The following SND1 variants were observed in gnomAD, a reference collection of about 807,000 sequenced individuals.
SND1 encodes staphylococcal nuclease and tudor domain containing 1, also known as staphylococcal nuclease domain-containing protein 1.
Under a neutral mutation model 121.7 loss-of-function variants are expected in SND1, and 38 were observed. That is an observed-to-expected ratio of 0.31 (90% CI 0.24 to 0.41). The LOEUF (loss-of-function observed/expected upper bound fraction) is 0.41. Among genes scored for constraint, SND1 ranks in the 10% least tolerant of loss-of-function variants. The probability of loss-of-function intolerance (pLI) is 1.00; values close to 1 mark genes in which losing one functional copy is unlikely to be tolerated. For missense variants in SND1, 868 were observed against 1,184.6 expected (o/e 0.73, Z 3.92); for synonymous variants, 401 against 447.4 (o/e 0.90, Z 1.31).
intron 1 of SND1, among the ~76,000 whole-genome samples, chr7:127,672,108 T>C (rs558473319): frequency 1.3e-5 from 2 of 152,288 alleles, no homozygotes; most frequent in African/African-American, 4.8e-5. Flanking sequence ...AAATATATTA[T>C]AGTGAGTAGG....
At chr7:127,761,247 T>C (rs530771293) in intron 10 of SND1, among the ~76,000 whole-genome samples, 1 of 152,304 alleles carries the variant, frequency 6.6e-6, no homozygotes, top group South Asian at 2.1e-4. Context: ...TTTCTTTTTG[T>C]GTGAGGGTTT....
chr7:127,808,460 C>T (rs897338693), intron 11 of SND1, among the ~76,000 whole-genome samples: 1 of 152,134 alleles, frequency 6.6e-6, no homozygotes, highest in East Asian at 1.9e-4. Flanking sequence ...CCACTGCACC[C>T]GGCCTTGTGA....
chr7:127,788,800 C>T (rs1372210195), intron 10 of SND1, among the ~76,000 whole-genome samples: 1 of 152,104 alleles, frequency 6.6e-6, no homozygotes, highest in African/African-American at 2.4e-5. Context: ...TTTCACCTGC[C>T]CACTTCTTAT....
At chr7:127,964,332 G>A (rs1053128320) in intron 15 of SND1, among the ~76,000 whole-genome samples, 71 of 145,570 alleles carry the variant, frequency 4.9e-4, no homozygotes, top group Non-Finnish European at 1.0e-3. Context: ...CCTTGCCCAC[G>A]CCTATGTCCT....
chr7:127,846,278 T>G (rs145611756), intron 12 of SND1, among the ~76,000 whole-genome samples: 3 of 151,864 alleles, frequency 2.0e-5, no homozygotes, highest in African/African-American at 7.3e-5. Flanking sequence ...AAAGTAAAAT[T>G]TTTTTTTTAG....
intron 12 of SND1, among the ~76,000 whole-genome samples, chr7:127,848,172 T>C (rs1799100499): frequency 6.6e-6 from 1 of 152,244 alleles, no homozygotes; most frequent in South Asian, 2.1e-4. Flanking sequence ...CTCTGCTGCA[T>C]CTGCAAGACA....
intron 16 of SND1, among the ~76,000 whole-genome samples, chr7:128,057,736 C>G (rs1245084567): frequency 6.6e-6 from 1 of 152,060 alleles, no homozygotes; most frequent in Non-Finnish European, 1.5e-5. Context: ...GCTGACCATA[C>G]TGATGCATGC....
intron 16 of SND1, among the ~76,000 whole-genome samples, chr7:128,070,431 T>C (rs1562888998): frequency 6.6e-6 from 1 of 152,216 alleles, no homozygotes; most frequent in Non-Finnish European, 1.5e-5. Context: ...CCCAGCCTTC[T>C]AGCAGCCTGT....
At chr7:127,782,155 C>T (rs1340125552) in intron 10 of SND1, among the ~76,000 whole-genome samples, 37 of 152,174 alleles carry the variant, frequency 2.4e-4, no homozygotes, top group Admixed American at 2.4e-3. Context: ...TGTCTGACTT[C>T]CTATTGTTTC....
intron 1 of SND1, among the ~76,000 whole-genome samples, chr7:127,661,628 C>G (rs538594570): frequency 2.0e-5 from 3 of 152,202 alleles, no homozygotes; most frequent in South Asian, 4.1e-4. Flanking sequence ...TTACGAAGTC[C>G]TTATGATTAG....
intron 19 of SND1, 45 bp downstream of exon 19, chr7:128,084,892 T>C (rs760818471): frequency 1.9e-6 from 3 of 1,559,816 alleles, no homozygotes; most frequent in Non-Finnish European, 2.6e-6. Context: ...GCAGGAACGA[T>C]AGCAGGGCTG....
chr7:128,008,478 T>TC (rs1459100479), intron 16 of SND1, among the ~76,000 whole-genome samples: 1 of 151,926 alleles, frequency 6.6e-6, no homozygotes, highest in African/African-American at 2.4e-5. Context: ...TTTTTTTTTT[T>TC]TGGAGGGGGG....
At chr7:128,031,807 C>A (rs1019389777) in intron 16 of SND1, among the ~76,000 whole-genome samples, 1 of 148,402 alleles carries the variant, frequency 6.7e-6, no homozygotes, top group Non-Finnish European at 1.5e-5. Flanking sequence ...CGGCCCCCGG[C>A]GCGCCGCCGG....
At chr7:127,736,157 A>G (rs1796773025) in intron 10 of SND1, among the ~76,000 whole-genome samples, 1 of 152,200 alleles carries the variant, frequency 6.6e-6, no homozygotes, top group Non-Finnish European at 1.5e-5. Context: ...ATTAACCCCA[A>G]TAGATAGATG....
intron 15 of SND1, among the ~76,000 whole-genome samples, chr7:127,964,595 T>C (rs1382716485): frequency 1.3e-5 from 2 of 152,116 alleles, no homozygotes; most frequent in Non-Finnish European, 2.9e-5. Context: ...GAGGGCCCTG[T>C]TCTGTTCCAT....
At chr7:127,766,770 T>TGAAA (rs1797425583) in intron 10 of SND1, among the ~76,000 whole-genome samples, 1 of 3,880 alleles carries the variant, frequency 2.6e-4, no homozygotes, top group Non-Finnish European at 5.7e-4. Flanking sequence ...AGACTTTGTC[T>TGAAA]CAAAAAAAAA....
intron 15 of SND1, among the ~76,000 whole-genome samples, chr7:127,959,220 C>A (rs1484889914): frequency 3.3e-5 from 5 of 152,154 alleles, no homozygotes; most frequent in African/African-American, 1.2e-4. Flanking sequence ...AATAGCTAGA[C>A]GTCCGCTGGC....
At position 127,921,546 on chromosome 7, in the gene SND1, G is replaced by A. The variant is rs116067752; in HGVS notation, c.1528-7642G>A. ...AATATTGTATATTCTTCCTGTGCAC[G>A]TTGTTTTTATTGTGTTGTTGTATAT... On this transcript the variant is annotated intron_variant, in intron 14 of 23. Coordinates refer to ENST00000354725, the MANE Select transcript of SND1 (RefSeq NM_014390.4). Among the ~76,000 whole-genome samples the A allele has an allele frequency of 3.8e-3, 581 of 152,168 alleles. 7 individuals are homozygous for A. The highest frequency in any genetic ancestry group is 0.013 in the African/African-American group (543 of 41,522).
chr7:127,951,502 T>C (rs1801461921), intron 15 of SND1, among the ~76,000 whole-genome samples: 1 of 152,240 alleles, frequency 6.6e-6, no homozygotes, highest in Non-Finnish European at 1.5e-5. Context: ...AGATCTGCTG[T>C]ACAATATTGT....
Sources: gnomAD v4.1 joint callset for allele counts (sites outside exome capture counted in the v4.1 genomes callset) on GRCh38, gnomAD v4.1.1 for gene constraint, MANE v1.5 for transcripts, NCBI Gene and HGNC (gene_info 2026-07-23, HGNC 2026-07-21) for gene names.